ASB4: variants seen among roughly 807,000 people sequenced by gnomAD.
ASB4 encodes the protein ankyrin repeat and SOCS box containing 4, also known as ankyrin repeat and SOCS box protein 4.
In ASB4, 35 loss-of-function variants were observed where a neutral mutation model predicts 38.6. The observed-to-expected ratio is 0.91, with a 90% confidence interval of 0.69 to 1.20. The LOEUF is 1.20. ASB4 is among the 50% of genes most tolerant of loss of function. The pLI is 0.00. For synonymous variants in ASB4, 195 were observed against 201.3 expected (o/e 0.97, Z 0.26); for missense variants, 557 against 527.2 (o/e 1.06, Z -0.55).
In ASB4 at chr7:95,528,256, C is replaced by CT; in HGVS notation, c.932dup (p.Leu312ValfsTer15). On this transcript the variant is annotated frameshift_variant, in exon 3 of 5. Transcript: ENST00000325885. LOFTEE classifies it high-confidence loss of function. ...CCAGCCTGAGATCTGCTACCAGCTC[C>CT]TGTTGAACCATGGGGCTGCCCGAAT... The CT allele has an allele frequency of 6.2e-7, 1 of 1,614,164 alleles. No homozygotes were observed. The highest frequency in any genetic ancestry group is 8.5e-7 in the Non-Finnish European group (1 of 1,180,024).
At chr7:95,483,920 T>C (rs1303663628), upstream of ASB4, among the ~76,000 whole-genome samples, 2 of 152,034 alleles carry the variant, frequency 1.3e-5, no homozygotes, top group Non-Finnish European at 2.9e-5. Context: ...GCCAATCCCT[T>C]GGTTGAGGAA....
At chr7:95,515,129 C>T (rs1414528392) in intron 2 of ASB4, among the ~76,000 whole-genome samples, 2 of 152,128 alleles carry the variant, frequency 1.3e-5, no homozygotes. Context: ...GAGACAACCT[C>T]TGTCCAAGCA....
At chr7:95,492,243 T>G (rs1279903965) in intron 1 of ASB4, among the ~76,000 whole-genome samples, 1 of 152,212 alleles carries the variant, frequency 6.6e-6, no homozygotes, top group Non-Finnish European at 1.5e-5. Context: ...CAAGGATGAC[T>G]GACTCACATA....
downstream of ASB4, among the ~76,000 whole-genome samples, chr7:95,545,115 G>A (rs10271860): frequency 0.012 from 1,871 of 151,238 alleles, 39 homozygotes; most frequent in African/African-American, 0.043. Flanking sequence ...GAAACAAACT[G>A]TCCCAAGCTG....
intron 2 of ASB4, among the ~76,000 whole-genome samples, chr7:95,525,731 A>G (rs1334844286): frequency 6.6e-6 from 1 of 152,214 alleles, no homozygotes; most frequent in East Asian, 1.9e-4. Context: ...ATTTCACTCC[A>G]GAGCAAAGAC....
chr7:95,536,107 G>A (rs370984717), intron 3 of ASB4, among the ~76,000 whole-genome samples: 28 of 152,294 alleles, frequency 1.8e-4, no homozygotes, highest in African/African-American at 6.5e-4. Context: ...AAATTGGTTT[G>A]ATTTTATTAA....
upstream of ASB4, among the ~76,000 whole-genome samples, chr7:95,474,743 A>C (rs1469791560): frequency 6.6e-6 from 1 of 152,168 alleles, no homozygotes; most frequent in Non-Finnish European, 1.5e-5. Flanking sequence ...TAGGCTGGTC[A>C]TGAACTCTTG....
intron 3 of ASB4, 106 bp downstream of exon 3, chr7:95,528,409 A>C (rs753298617): frequency 1.9e-6 from 3 of 1,563,582 alleles, no homozygotes; most frequent in Non-Finnish European, 2.6e-6. Context: ...TCCTGGGCTA[A>C]CTACCTCTGA....
chr7:95,473,748 T>C (rs541195883), upstream of ASB4: 1 of 152,070 alleles, frequency 6.6e-6, no homozygotes, highest in East Asian at 1.9e-4. Context: ...TTTGCAATCA[T>C]TGCTGGAGAG....
rs1240695225 is a variant in ASB4, at chr7:95,514,994, G to C, written c.488-12819G>C. On this transcript the variant is annotated intron_variant, in intron 2 of 4. Coordinates refer to ENST00000325885, the MANE Select transcript of ASB4 (RefSeq NM_016116.3). ...TGTAGCCATAGCTCTAGTTTCACCA[G>C]CTGGTGACGTAGACAGTATGACACC... Among the ~76,000 whole-genome samples, 3 of 152,174 alleles carry C rather than the reference G, an allele frequency of 2.0e-5. No individual in the cohort carries two copies. The East Asian group carries it at 5.8e-4, about 29-fold the overall frequency.
chr7:95,530,197 A>G (rs980625278), intron 3 of ASB4, among the ~76,000 whole-genome samples: 9 of 151,496 alleles, frequency 5.9e-5, no homozygotes, highest in Admixed American at 5.9e-4. Context: ...GCAGTGGCTC[A>G]CCCCTGTAAT....
rs577786291 is a variant in ASB4 at position 95,493,515 on chromosome 7, AAAT to A, written c.188-2242_188-2240del. 7.2e-5 allele frequency among the ~76,000 whole-genome samples: 11 copies of A among 152,294 alleles called. No homozygotes were observed. In the South Asian group the frequency reaches 2.3e-3, roughly 32 times the overall value. Reference sequence around the variant, plus strand: ...GCACAACCTTGTAAATAGCTTCTTTAAATTAAATTATTTTTTCCCCTCTGGACA... The same window carrying A: ...GCACAACCTTGTAAATAGCTTCTTTATAAATTATTTTTTCCCCTCTGGACA... On this transcript the variant is annotated intron_variant, in intron 1 of 4. Coordinates refer to ENST00000325885, the MANE Select transcript of ASB4 (RefSeq NM_016116.3).
chr7:95,521,602 A>G (rs1306837891), intron 2 of ASB4, among the ~76,000 whole-genome samples: 1 of 152,064 alleles, frequency 6.6e-6, no homozygotes, highest in Admixed American at 6.6e-5. Flanking sequence ...CTATTGGGAA[A>G]AAGCTAAAAC....
downstream of ASB4, chr7:95,544,004 A>T (rs939767017): frequency 6.6e-6 from 1 of 151,982 alleles, no homozygotes; most frequent in African/African-American, 2.4e-5. Flanking sequence ...CTTCCATGCC[A>T]CCCCCAAATA....
At chr7:95,478,162 T>C (rs528176783), upstream of ASB4, among the ~76,000 whole-genome samples, 7 of 152,276 alleles carry the variant, frequency 4.6e-5, no homozygotes, top group African/African-American at 1.7e-4. Flanking sequence ...CATAAATTTG[T>C]CAAAAGTAAA....
chr7:95,542,241 T>C (rs1047646358), downstream of ASB4: 4 of 152,186 alleles, frequency 2.6e-5, no homozygotes, highest in Non-Finnish European at 5.9e-5. Context: ...GAAATAAGGA[T>C]AAAAACTACA....
At chr7:95,507,550 T>C (rs538251169) in intron 2 of ASB4, among the ~76,000 whole-genome samples, 1 of 152,302 alleles carries the variant, frequency 6.6e-6, no homozygotes, top group South Asian at 2.1e-4. Flanking sequence ...ATTTGTTGAA[T>C]TCTTTGATTA....
At chr7:95,542,067 T>TAAAAAAACA (rs1790977775), downstream of ASB4, 1 of 145,616 alleles carries the variant, frequency 6.9e-6, no homozygotes, top group Non-Finnish European at 1.5e-5. Context: ...ACCTTGACTG[T>TAAAAAAACA]AAAAAAACAA....
intron 3 of ASB4, among the ~76,000 whole-genome samples, chr7:95,529,003 C>A (rs1276964315): frequency 1.3e-5 from 2 of 152,118 alleles, no homozygotes; most frequent in Non-Finnish European, 2.9e-5. Context: ...TTCTTAACAA[C>A]ATTCATAATC....
Sources: allele counts gnomAD v4.1 joint callset (sites outside exome capture counted in the v4.1 genomes callset), GRCh38; gene constraint gnomAD v4.1.1; transcripts MANE v1.5; gene names NCBI Gene and HGNC (gene_info 2026-07-23, HGNC 2026-07-21).